Variants in RGS9 observed in about 807,000 individuals in gnomAD.
The protein encoded by RGS9 is regulator of G-protein signalling 9.
In RGS9, 78 loss-of-function variants were observed where a neutral mutation model predicts 102.0. The observed-to-expected ratio is 0.76, with a 90% CI of 0.64 to 0.92. RGS9 has a LOEUF of 0.92. Among genes scored for constraint, RGS9 ranks in the 40% least tolerant of loss-of-function variants. The pLI is 0.00. For missense variants in RGS9, 833 were observed against 866.1 expected (o/e 0.96, Z 0.48); for synonymous variants, 353 against 318.6 (o/e 1.11, Z -1.15).
At chr17:65,197,556 C>T (rs528826889) in intron 13 of RGS9, among the ~76,000 whole-genome samples, 5 of 152,218 alleles carry the variant, frequency 3.3e-5, no homozygotes, top group Non-Finnish European at 7.3e-5. Flanking sequence ...GCCCCCGCTC[C>T]TTCTAGTCAG....
At chr17:65,174,918 A>G (rs1035427117) in intron 8 of RGS9, among the ~76,000 whole-genome samples, 3 of 152,098 alleles carry the variant, frequency 2.0e-5, no homozygotes, top group Admixed American at 6.5e-5. Context: ...GACACTTATA[A>G]AACCATCAGA....
At chr17:65,210,824 C>T (rs995630058) in intron 17 of RGS9, among the ~76,000 whole-genome samples, 6 of 152,226 alleles carry the variant, frequency 3.9e-5, no homozygotes, top group Middle Eastern at 3.4e-3. Flanking sequence ...CCACAGCAAC[C>T]AGAGCTTGTT....
At chr17:65,225,547 A>G in intron 18 of RGS9, 61 bp downstream of exon 18, 1 of 1,597,784 alleles carries the variant, frequency 6.3e-7, no homozygotes, top group Non-Finnish European at 8.5e-7. Flanking sequence ...AGGCCTCTGC[A>G]TGTGAATATG....
chr17:65,197,028 G>T, intron 12 of RGS9, 98 bp from the exon 13 acceptor site: 1 of 763,808 alleles, frequency 1.3e-6, no homozygotes, highest in South Asian at 1.5e-5. Flanking sequence ...GGATTGAATT[G>T]AGCCCTGGGC....
In RGS9 at chr17:65,225,320, G is replaced by T; in HGVS notation, c.1726G>T (p.Ala576Ser). 2 of 1,610,604 alleles carry T rather than the reference G, an allele frequency of 1.2e-6. No homozygotes were observed. Among genetic ancestry groups the T allele is most frequent in the Non-Finnish European group, 1.7e-6 (2 of 1,180,018 alleles). ...CAGCCGGCCCAGGGCCCCTCCTAAG[G>T]CCCGCATGGCTCTGTCCTTCAGCAG... Reference protein sequence around the residue: ...PRSRPRAPPKARMALSFSRFL... With the variant: ...PRSRPRAPPKSRMALSFSRFL... Residue 576 changes from alanine to serine, a missense_variant, in exon 18 of 19, where the codon GCC becomes TCC. Ala to Ser is a moderately conservative substitution (Grantham distance 99). This residue lies in a region of RGS9 where 320 missense variants were observed against 276.8 expected (regional missense o/e 1.16). Coordinates refer to ENST00000262406, the MANE Select transcript of RGS9 (RefSeq NM_003835.4).
rs375150222 is a variant in RGS9 at position 65,149,139 on chromosome 17, G to T, written c.58-4283G>T. 8.4e-3 allele frequency among the ~76,000 whole-genome samples: 1,179 copies of T among 140,014 alleles called. 26 individuals carry two copies. Among genetic ancestry groups the T allele is most frequent in the African/African-American group, 0.03 (1,085 of 35,792 alleles). The allele number at this position is 140,014 out of a possible 152,430, so 91.9% of individuals were successfully genotyped here. On this transcript the variant is annotated intron_variant, in intron 1 of 18. Coordinates refer to ENST00000262406, the MANE Select transcript of RGS9 (RefSeq NM_003835.4). ...ACCATGCCCGGCTAGTTTTTTTTTTGTTGTTGTTATGTTTAATAGAAACGA... is the reference window on the plus strand; with the variant it reads ...ACCATGCCCGGCTAGTTTTTTTTTTTTTGTTGTTATGTTTAATAGAAACGA...
At chr17:65,200,635 G>A (rs2144088589) in intron 13 of RGS9, among the ~76,000 whole-genome samples, 1 of 152,246 alleles carries the variant, frequency 6.6e-6, no homozygotes, top group East Asian at 1.9e-4. Flanking sequence ...TGGGACAAAT[G>A]CCAACTAGTT....
chr17:65,207,577 A>G (rs905722537), intron 15 of RGS9, among the ~76,000 whole-genome samples: 2 of 152,220 alleles, frequency 1.3e-5, no homozygotes, highest in African/African-American at 2.4e-5. Context: ...GCAACTGGCT[A>G]CATTTACAAC....
intron 1 of RGS9, among the ~76,000 whole-genome samples, chr17:65,144,425 G>A (rs1017689669): frequency 6.6e-6 from 1 of 152,158 alleles, no homozygotes; most frequent in Non-Finnish European, 1.5e-5. Flanking sequence ...TCCCTGGCAC[G>A]CCCACTGTCA....
chr17:65,166,275 A>T (rs1172082881), intron 7 of RGS9, among the ~76,000 whole-genome samples: 2 of 152,250 alleles, frequency 1.3e-5, no homozygotes, highest in East Asian at 3.8e-4. Context: ...AGGGGAGGAG[A>T]CATAGACACA....
At chr17:65,197,013 G>A in intron 12 of RGS9, 113 bp from the exon 13 acceptor site, 1 of 729,048 alleles carries the variant, frequency 1.4e-6, no homozygotes, top group Admixed American at 2.0e-5. Context: ...GGATTGGGAG[G>A]AGGAGGATTG....
intron 7 of RGS9, among the ~76,000 whole-genome samples, chr17:65,164,424 A>G (rs1911097951): frequency 6.6e-6 from 1 of 152,140 alleles, no homozygotes; most frequent in South Asian, 2.1e-4. Flanking sequence ...GAGAAGAGGG[A>G]CAGCTGGGAA....
At chr17:65,211,124 T>C (rs1913279356) in intron 17 of RGS9, among the ~76,000 whole-genome samples, 1 of 152,074 alleles carries the variant, frequency 6.6e-6, no homozygotes, top group Admixed American at 6.5e-5. Context: ...TTCAGGGAGA[T>C]TTGTTTAAAA....
intron 18 of RGS9, among the ~76,000 whole-genome samples, chr17:65,225,894 C>A (rs1377036360): frequency 6.6e-6 from 1 of 152,192 alleles, no homozygotes; most frequent in Non-Finnish European, 1.5e-5. Context: ...GGTGCTCCAG[C>A]CCCTCCCTCA....
At chr17:65,139,128 C>T (rs1263338981) in intron 1 of RGS9, among the ~76,000 whole-genome samples, 207 of 141,082 alleles carry the variant, frequency 1.5e-3, no homozygotes, top group African/African-American at 2.0e-3. Context: ...CCTTTCCCTC[C>T]TCCACCCCAG....
At chr17:65,149,010 G>A (rs896741304) in intron 1 of RGS9, among the ~76,000 whole-genome samples, 25 of 152,092 alleles carry the variant, frequency 1.6e-4, no homozygotes, top group Non-Finnish European at 3.2e-4. Flanking sequence ...TGCACAGACT[G>A]GAGTGCAGTG....
chr17:65,189,306 CA>C lies in RGS9; in HGVS notation c.681del (p.Glu228ArgfsTer9), dbSNP rs1159593196. The C allele has an allele frequency of 4.3e-6, 7 of 1,610,976 alleles. 1 individual carries two copies. The highest frequency in any genetic ancestry group is 5.1e-6 in the Non-Finnish European group (6 of 1,177,430). On this transcript the variant is annotated frameshift_variant, in exon 10 of 19. Transcript: ENST00000262406. LOFTEE classifies it high-confidence loss of function. ...VNQKQTVVAV[K>X]KEIMYYQQAL... Reference sequence around the variant, plus strand: ...TACAGAAACAAACAGTCGTTGCTGTCAAAAAAGAGGTAATTAGTCTTACACT... The same window carrying C: ...TACAGAAACAAACAGTCGTTGCTGTCAAAAAGAGGTAATTAGTCTTACACT...
At chr17:65,177,695 C>T (rs1383148896) in intron 8 of RGS9, 37 bp from the exon 9 acceptor site, 1 of 1,583,944 alleles carries the variant, frequency 6.3e-7, no homozygotes, top group African/African-American at 1.3e-5. Flanking sequence ...TGGAGACTCT[C>T]CCTGTAATGA....
Position 65,210,615 on chromosome 17 carries a change from A to C in RGS9, c.1407+10A>C. 1 of 1,613,690 alleles carries C rather than the reference A, an allele frequency of 6.2e-7. No individual in the cohort carries two copies. The highest frequency in any genetic ancestry group is 8.5e-7 in the Non-Finnish European group (1 of 1,180,020). On this transcript the variant is annotated intron_variant, in intron 17 of 18. Coordinates refer to ENST00000262406, the MANE Select transcript of RGS9 (RefSeq NM_003835.4). ...TGTGGACATCACCCAGGTCATGAGC[A>C]AGCTGGACCGCAGGAGCCAACTCCA...
Sources: gnomAD v4.1 joint callset for allele counts (sites outside exome capture counted in the v4.1 genomes callset) on GRCh38, gnomAD v4.1.1 for gene constraint, gnomAD v4.1.1 regional missense constraint, MANE v1.5 for transcripts, NCBI Gene and HGNC (gene_info 2026-07-23, HGNC 2026-07-21) for gene names.